PLEKHA6: variants seen among roughly 807,000 people sequenced by gnomAD.
PLEKHA6 encodes the protein pleckstrin homology domain-containing family A member 6.
A neutral mutation model predicts 116.7 loss-of-function variants in PLEKHA6; 60 were observed. The observed-to-expected ratio is 0.51, with a 90% CI of 0.42 to 0.64. The LOEUF (loss-of-function observed/expected upper bound fraction) is 0.64. PLEKHA6 is among the 30% of genes least tolerant of loss of function. PLEKHA6 has a pLI of 0.00. For synonymous variants in PLEKHA6, 489 were observed against 556.1 expected (o/e 0.88, Z 1.70); for missense variants, 1,338 against 1,422.7 (o/e 0.94, Z 0.96).
intron 1 of PLEKHA6, among the ~76,000 whole-genome samples, chr1:204,312,662 T>C (rs1273902404): frequency 6.6e-6 from 1 of 152,278 alleles, no homozygotes; most frequent in Admixed American, 6.5e-5. Context: ...ACAGGACCTC[T>C]TTACCCATAT....
At chr1:204,235,000 ATATATATATATATC>A (rs1480120279) in intron 17 of PLEKHA6, among the ~76,000 whole-genome samples, 70 of 22,296 alleles carry the variant, frequency 3.1e-3, no homozygotes, top group Non-Finnish European at 4.1e-3. Context: ...ATATATATAT[ATATATATATATATC>A]TAATAGCAGA....
At chr1:204,270,337 C>A (rs1174504811) in intron 3 of PLEKHA6, among the ~76,000 whole-genome samples, 1 of 152,116 alleles carries the variant, frequency 6.6e-6, no homozygotes, top group Non-Finnish European at 1.5e-5. Flanking sequence ...GAGCTATAAG[C>A]AATATGATAA....
intron 1 of PLEKHA6, among the ~76,000 whole-genome samples, chr1:204,331,407 C>A (rs888300974): frequency 1.3e-5 from 2 of 152,014 alleles, no homozygotes; most frequent in Non-Finnish European, 2.9e-5. Flanking sequence ...CCCAGCCCAG[C>A]GACCCATGCT....
intron 9 of PLEKHA6, among the ~76,000 whole-genome samples, chr1:204,254,008 C>T (rs1344020721): frequency 6.6e-6 from 1 of 152,330 alleles, no homozygotes; most frequent in South Asian, 2.1e-4. Flanking sequence ...GCACTGAATG[C>T]TTGGACAGCT....
chr1:204,244,931 C>T lies in PLEKHA6; in HGVS notation c.2105G>A (p.Ser702Asn). 1 of 1,508,034 alleles carries T rather than the reference C, an allele frequency of 6.6e-7. No individual in the cohort carries two copies. 93.4% of individuals were successfully genotyped at this position (1,508,034 alleles called of 1,614,324 possible). A position where few individuals can be genotyped will look rare whatever the true frequency, so the allele number is the denominator to read the frequency against. The change falls in exon 15 of 23, where the codon AGC (serine) becomes AAC (asparagine). Residue 702 changes from serine (S) to asparagine (N), a missense_variant. This residue lies in a region of PLEKHA6 where 1,136 missense variants were observed against 1,163.6 expected (regional missense o/e 0.98). Coordinates refer to ENST00000272203, the MANE Select transcript of PLEKHA6 (RefSeq NM_014935.5). ...CACCAGTGAAAAGGGGCTCAGGGGG[C>T]TGGTGAGGCTGGCAGAGCTGAGGGG... ...ASPLSSASLTSPLSPFSLVSG... is the reference protein window; with the variant it reads ...ASPLSSASLTNPLSPFSLVSG...
chr1:204,309,374 G>T (rs558428506), intron 1 of PLEKHA6, among the ~76,000 whole-genome samples: 1 of 152,296 alleles, frequency 6.6e-6, no homozygotes, highest in South Asian at 2.1e-4. Context: ...GCCGCATAAG[G>T]TCGTTCTGGT....
At chr1:204,342,340 C>CA (rs1163865535) in intron 1 of PLEKHA6, among the ~76,000 whole-genome samples, 3 of 152,046 alleles carry the variant, frequency 2.0e-5, no homozygotes, top group South Asian at 2.1e-4. Context: ...AACAAACAAA[C>CA]AAAAAAACCT....
At chr1:204,344,772 G>A (rs1214895925) in intron 1 of PLEKHA6, among the ~76,000 whole-genome samples, 1 of 152,026 alleles carries the variant, frequency 6.6e-6, no homozygotes, top group Non-Finnish European at 1.5e-5. Context: ...AAGGAGGAAA[G>A]CAGAAAAGGA....
Position 204,221,974 on chromosome 1 carries a change from G to T in PLEKHA6, c.*814C>A. On this transcript the variant is annotated 3_prime_UTR_variant, in exon 23 of 23. Coordinates refer to ENST00000272203, the MANE Select transcript of PLEKHA6 (RefSeq NM_014935.5). Reference sequence around the variant, plus strand: ...CTTTCCATCTCCCTCCTTCCTGCTTGACTTGCCAATGTGTCCTGCTGCTTC... The same window carrying T: ...CTTTCCATCTCCCTCCTTCCTGCTTTACTTGCCAATGTGTCCTGCTGCTTC... 1 of 150,632 alleles carries T rather than the reference G, an allele frequency of 6.6e-6. No homozygotes were observed. Among genetic ancestry groups the T allele is most frequent in the Non-Finnish European group, 1.5e-5 (1 of 68,592 alleles). 9.3% of individuals were successfully genotyped at this position (150,632 alleles called of 1,614,324 possible).
rs6693804 is a variant in PLEKHA6, at chr1:204,315,590, A to G, written c.-94-40781T>C. ...AGCTTCAGTTAAACACCCCCAGCCC[A>G]CAGAAAACCCCCTCCGCCGTGAAGT... On this transcript the variant is annotated intron_variant, in intron 1 of 22. Coordinates refer to ENST00000272203, the MANE Select transcript of PLEKHA6 (RefSeq NM_014935.5). Among the ~76,000 whole-genome samples the G allele has an allele frequency of 2.6e-3, 389 of 152,136 alleles. 1 individual carries two copies. The highest frequency in any genetic ancestry group is 8.9e-3 in the African/African-American group (369 of 41,492).
chr1:204,293,238 G>A (rs1402535554), intron 1 of PLEKHA6, among the ~76,000 whole-genome samples: 3 of 152,190 alleles, frequency 2.0e-5, no homozygotes, highest in South Asian at 4.2e-4. Flanking sequence ...AAGTTCAAGC[G>A]ATTATCCTGC....
intron 1 of PLEKHA6, among the ~76,000 whole-genome samples, chr1:204,286,385 G>A (rs1269985423): frequency 1.3e-5 from 2 of 152,106 alleles, no homozygotes; most frequent in African/African-American, 4.8e-5. Context: ...ACTGGGCATG[G>A]AGGCTGTGAC....
At chr1:204,234,954 T>TTATATA (rs61156938) in intron 17 of PLEKHA6, among the ~76,000 whole-genome samples, 2 of 18,738 alleles carry the variant, frequency 1.1e-4, no homozygotes, top group Admixed American at 7.3e-4. Flanking sequence ...AAACTGCCCT[T>TTATATA]TATATATATA....
At chr1:204,250,792 G>A (rs141081084) in intron 9 of PLEKHA6, among the ~76,000 whole-genome samples, 178 bp from the exon 10 acceptor site, 50 of 152,292 alleles carry the variant, frequency 3.3e-4, no homozygotes, top group Non-Finnish European at 6.0e-4. Context: ...GCCTGGGATG[G>A]CCCGGCCTAA....
chr1:204,244,965 G>A lies in PLEKHA6; in HGVS notation c.2071C>T (p.Pro691Ser), dbSNP rs1663433045. The A allele has an allele frequency of 4.8e-6, 7 of 1,468,708 alleles. No individual in the cohort carries two copies. The highest frequency in any genetic ancestry group is 2.6e-5 in the Admixed American group (1 of 38,376). The allele number at this position is 1,468,708 out of a possible 1,614,324, so 91.0% of individuals were successfully genotyped here. ...GPSATYSSNSPASPLSSASLT... is the reference protein window; with the variant it reads ...GPSATYSSNSSASPLSSASLT... The stretch of plus-strand genomic sequence containing the variant: ...CTGGCAGAGCTGAGGGGGCTGGCCG[G>A]GCTGTTGGAGCTGTAGGTGGCTGAG... The change falls in exon 15 of 23, where the codon CCG (proline) becomes TCG (serine). Residue 691 changes from proline to serine, a missense_variant. By Grantham distance (74) the Pro-to-Ser change is moderately conservative (BLOSUM62 -1). This residue lies in a region of PLEKHA6 where 1,136 missense variants were observed against 1,163.6 expected (regional missense o/e 0.98). Coordinates refer to ENST00000272203, the MANE Select transcript of PLEKHA6 (RefSeq NM_014935.5).
At position 204,244,932 on chromosome 1, in the gene PLEKHA6, T is replaced by C. The variant is rs768602732; in HGVS notation, c.2104A>G (p.Ser702Gly). The C allele has an allele frequency of 1.2e-5, 18 of 1,509,648 alleles. No homozygotes were observed. The highest frequency in any genetic ancestry group is 2.2e-5 in the Admixed American group (1 of 45,906). The allele number at this position is 1,509,648 out of a possible 1,614,324, so 93.5% of individuals were successfully genotyped here. ...ACCAGTGAAAAGGGGCTCAGGGGGC[T>C]GGTGAGGCTGGCAGAGCTGAGGGGG... ...ASPLSSASLT[S>G]PLSPFSLVSG... Residue 702 changes from serine (S) to glycine (G), a missense_variant, in exon 15 of 23, where the codon AGC becomes GGC. Transcript: ENST00000272203.
rs1665429705 is a variant in PLEKHA6, at chr1:204,257,240, C to G, written c.1524+113G>C. On this transcript the variant is annotated intron_variant, in intron 9 of 22. Transcript: ENST00000272203. The surrounding 1 kb of genome is among the most constrained non-coding windows in gnomAD (Gnocchi z 6.5). ...CACTGCTGGTCCTGCAGACAAACGG[C>G]CCAGTGGCCCCGTGGCACAGATGCT... 1 of 1,032,880 alleles carries G rather than the reference C, an allele frequency of 9.7e-7. No individual in the cohort carries two copies. Among genetic ancestry groups the G allele is most frequent in the African/African-American group, 1.6e-5 (1 of 63,292 alleles). 64.0% of individuals were successfully genotyped at this position (1,032,880 alleles called of 1,614,324 possible). A position where few individuals can be genotyped will look rare whatever the true frequency, so the allele number is the denominator to read the frequency against.
At chr1:204,244,816 T>G in intron 15 of PLEKHA6, 48 bp downstream of exon 15, 1 of 1,435,476 alleles carries the variant, frequency 7.0e-7, no homozygotes, top group East Asian at 2.7e-5. Context: ...CAAACGAGGA[T>G]CTGGTCCTCC....
chr1:204,341,755 A>G (rs1188514688), intron 1 of PLEKHA6, among the ~76,000 whole-genome samples: 1 of 152,256 alleles, frequency 6.6e-6, no homozygotes, highest in Non-Finnish European at 1.5e-5. Flanking sequence ...TTAACCAAAA[A>G]AAGTAGATCA....
Sources: gnomAD v4.1 joint callset for allele counts (sites outside exome capture counted in the v4.1 genomes callset) on GRCh38, gnomAD v4.1.1 for gene constraint, gnomAD v4.1.1 regional missense constraint, Gnocchi (gnomAD v3.1) non-coding constraint, MANE v1.5 for transcripts, NCBI Gene and HGNC (gene_info 2026-07-23, HGNC 2026-07-21) for gene names.